Variants in RIMS1 observed in about 807,000 individuals in gnomAD.
RIMS1 encodes regulating synaptic membrane exocytosis protein 1.
RIMS1 carries 83 observed loss-of-function variants against 214.1 expected under a neutral mutation model. The observed-to-expected ratio is 0.39, with a 90% CI of 0.32 to 0.47. RIMS1 has a LOEUF of 0.47. RIMS1 is among the 20% of genes least tolerant of loss of function. The probability of loss-of-function intolerance (pLI) is 0.99; values close to 1 mark genes in which losing one functional copy is unlikely to be tolerated. For missense variants in RIMS1, 2,050 were observed against 2,161.8 expected, an observed-to-expected ratio of 0.95 and a Z score of 1.03; for synonymous variants, 793 against 786.8, an observed-to-expected ratio of 1.01 and a Z score of -0.13.
chr6:72,100,014 A>C, intron 4 of RIMS1, 28 bp downstream of exon 4: 1 of 1,573,142 alleles, frequency 6.4e-7, no homozygotes, highest in African/African-American at 1.3e-5. Flanking sequence ...CTTTTCTATC[A>C]TTTGTTATTG....
intron 2 of RIMS1, among the ~76,000 whole-genome samples, chr6:72,083,461 C>T (rs1414496097): frequency 6.6e-6 from 1 of 152,006 alleles, no homozygotes; most frequent in African/African-American, 2.4e-5. Context: ...CTTGTGGGCT[C>T]ATTTTTCACT....
chr6:72,087,592 C>T (rs1355263685), intron 2 of RIMS1, among the ~76,000 whole-genome samples: 1 of 152,192 alleles, frequency 6.6e-6, no homozygotes, highest in East Asian at 1.9e-4. Context: ...CTTGGCCCCC[C>T]AGAAAGTGAG....
At chr6:72,122,387 T>G (rs2038575391) in intron 4 of RIMS1, among the ~76,000 whole-genome samples, 1 of 151,534 alleles carries the variant, frequency 6.6e-6, no homozygotes, top group Non-Finnish European at 1.5e-5. Flanking sequence ...TTTGTATTTT[T>G]AGTAGAGACG....
intron 1 of RIMS1, among the ~76,000 whole-genome samples, chr6:71,935,445 G>GA (rs796704132): frequency 6.6e-6 from 1 of 151,770 alleles, no homozygotes; most frequent in East Asian, 1.9e-4. Context: ...ATTTTGATAA[G>GA]AAAAAAACAA....
intron 29 of RIMS1, among the ~76,000 whole-genome samples, chr6:72,389,479 T>C (rs139795551): frequency 6.6e-6 from 1 of 152,276 alleles, no homozygotes; most frequent in East Asian, 1.9e-4. Context: ...GATTAGACAA[T>C]TTACAAAAGG....
rs117888031 is a variant in RIMS1 at position 71,892,691 on chromosome 6, T to C, written c.164+5504T>C. 3.2e-3 allele frequency among the ~76,000 whole-genome samples: 488 copies of C among 152,280 alleles called. 6 individuals carry two copies. Among genetic ancestry groups the C allele is most frequent in the Admixed American group, 0.021 (319 of 15,296 alleles). On this transcript the variant is annotated intron_variant, in intron 1 of 33. Coordinates refer to ENST00000521978, the MANE Select transcript of RIMS1 (RefSeq NM_014989.7). ...ATTGTTCTGAATTTTATTTATTAAA[T>C]AGGCTATTTCTAACAAAGTGTCATA...
chr6:72,111,525 G>C (rs772670518), intron 4 of RIMS1, among the ~76,000 whole-genome samples: 1 of 152,112 alleles, frequency 6.6e-6, no homozygotes, highest in East Asian at 1.9e-4. Flanking sequence ...TAATATGGCT[G>C]TCTCTTAGAG....
At chr6:72,361,162 A>G (rs918216777) in intron 29 of RIMS1, among the ~76,000 whole-genome samples, 3 of 124,486 alleles carry the variant, frequency 2.4e-5, no homozygotes, top group African/African-American at 3.2e-5. Context: ...AGGCTGGAGT[A>G]CAGTGGCACG....
Position 72,313,431 on chromosome 6 carries a change from G to T in RIMS1, c.3964-75G>T, listed in dbSNP as rs1593043102. Reference sequence around the variant, plus strand: ...ACCTTTATTTGGTGTGGGCTAAGTAGTCATTCATCTCACCATCTATGTTTT... The same window carrying T: ...ACCTTTATTTGGTGTGGGCTAAGTATTCATTCATCTCACCATCTATGTTTT... On this transcript the variant is annotated intron_variant, in intron 27 of 33. Transcript: ENST00000521978. 4 of 1,351,186 alleles carry T rather than the reference G, an allele frequency of 3.0e-6. No individual in the cohort carries two copies. In the East Asian group the frequency reaches 9.7e-5, roughly 33 times the overall value. The allele number at this position is 1,351,186 out of a possible 1,614,324, so 83.7% of individuals were successfully genotyped here.
intron 2 of RIMS1, among the ~76,000 whole-genome samples, chr6:72,056,691 T>G (rs149895553): frequency 6.6e-6 from 1 of 152,212 alleles, no homozygotes; most frequent in Admixed American, 6.5e-5. Flanking sequence ...TTTAAATGGG[T>G]AGTTGTCTTA....
intron 2 of RIMS1, among the ~76,000 whole-genome samples, chr6:72,070,969 G>A (rs1296125405): frequency 6.6e-6 from 1 of 152,140 alleles, no homozygotes; most frequent in Admixed American, 6.5e-5. Flanking sequence ...ATAATACTTT[G>A]TAACATGAAA....
intron 2 of RIMS1, among the ~76,000 whole-genome samples, chr6:72,049,583 A>G (rs1311748534): frequency 6.6e-6 from 1 of 152,224 alleles, no homozygotes; most frequent in Non-Finnish European, 1.5e-5. Context: ...TTAGGTTTGC[A>G]TAATACTGAG....
At chr6:72,030,916 A>C (rs1323912676) in intron 2 of RIMS1, among the ~76,000 whole-genome samples, 1 of 152,170 alleles carries the variant, frequency 6.6e-6, no homozygotes, top group African/African-American at 2.4e-5. Flanking sequence ...AGTAAAGAGC[A>C]CAGAAGGAAT....
intron 4 of RIMS1, among the ~76,000 whole-genome samples, chr6:72,145,141 T>G (rs2042574866): frequency 6.6e-6 from 1 of 152,228 alleles, no homozygotes; most frequent in African/African-American, 2.4e-5. Flanking sequence ...AAAATAATTA[T>G]GTTTCCCATA....
intron 2 of RIMS1, among the ~76,000 whole-genome samples, chr6:72,046,080 G>A (rs759771725): frequency 1.3e-5 from 2 of 151,982 alleles, no homozygotes; most frequent in Non-Finnish European, 2.9e-5. Flanking sequence ...ATAATATTTT[G>A]CTTCACAGAT....
In RIMS1 at chr6:72,082,439, CT is replaced by C. The variant is rs563898792; in HGVS notation, c.246-14506del. Reference sequence around the variant, plus strand: ...ACAGTAGGTAGGCATTATTATCCTCCTTTTACAGAGGAAGAGGTGGAGTCTT... The same window carrying C: ...ACAGTAGGTAGGCATTATTATCCTCCTTTACAGAGGAAGAGGTGGAGTCTT... On this transcript the variant is annotated intron_variant, in intron 2 of 33. Transcript: ENST00000521978. Among the ~76,000 whole-genome samples, 187 of 152,228 alleles carry C rather than the reference CT, an allele frequency of 1.2e-3. 1 individual carries two copies. The highest frequency in any genetic ancestry group is 4.2e-3 in the African/African-American group (174 of 41,526).
chr6:72,332,118 A>G (rs1212302363), intron 28 of RIMS1, among the ~76,000 whole-genome samples: 1 of 151,830 alleles, frequency 6.6e-6, no homozygotes, highest in Non-Finnish European at 1.5e-5. Flanking sequence ...TATAATTTAT[A>G]ATCATATTAG....
intron 1 of RIMS1, among the ~76,000 whole-genome samples, chr6:71,955,899 T>A (rs1791116525): frequency 6.6e-6 from 1 of 152,012 alleles, no homozygotes; most frequent in Admixed American, 6.6e-5. Context: ...AAACTATGGG[T>A]GATTTGAATT....
intron 1 of RIMS1, among the ~76,000 whole-genome samples, chr6:71,951,678 T>A (rs62967763): frequency 7.9e-6 from 1 of 125,818 alleles, no homozygotes; most frequent in Non-Finnish European, 1.7e-5. Flanking sequence ...TTTTTTTTTT[T>A]AATAGTGACA....
Sources: gnomAD v4.1 joint callset for allele counts (sites outside exome capture counted in the v4.1 genomes callset) on GRCh38, gnomAD v4.1.1 for gene constraint, MANE v1.5 for transcripts, NCBI Gene and HGNC (gene_info 2026-07-23, HGNC 2026-07-21) for gene names.